The following CLNK variants were observed in gnomAD, a reference collection of about 807,000 sequenced individuals.
The protein encoded by CLNK is cytokine dependent hematopoietic cell linker.
CLNK carries 74 observed loss-of-function variants against 68.6 expected under a neutral mutation model. The ratio of observed to expected loss-of-function variants is 1.08; its 90% CI spans 0.89 to 1.31. The LOEUF (loss-of-function observed/expected upper bound fraction) is 1.31. Among genes scored for constraint, CLNK ranks in the 50% most tolerant of loss-of-function variants. CLNK has a pLI of 0.00. For missense variants in CLNK, 553 were observed against 515.3 expected (o/e 1.07, Z -0.71); for synonymous variants, 198 against 172.2 (o/e 1.15, Z -1.17).
Position 10,532,284 on chromosome 4 carries a change from C to A in CLNK, c.603-1G>T. On this transcript the variant is annotated splice_acceptor_variant, in intron 11 of 18. Coordinates refer to ENST00000226951, the MANE Select transcript of CLNK (RefSeq NM_052964.4). LOFTEE classifies it high-confidence loss of function. Reference sequence around the variant, plus strand: ...ACTTAAGTCCCTTAAGCTTATCTGACTGCAAGAAAAAGAAATACGGTGTTA... The same window carrying A: ...ACTTAAGTCCCTTAAGCTTATCTGAATGCAAGAAAAAGAAATACGGTGTTA... 6.2e-7 allele frequency: 1 copy of A among 1,609,208 alleles called. No homozygotes were observed.
intron 8 of CLNK, among the ~76,000 whole-genome samples, chr4:10,553,519 T>G (rs191170162): frequency 7.1e-4 from 108 of 152,258 alleles, no homozygotes; most frequent in African/African-American, 2.3e-3. Context: ...TGGCGCAATC[T>G]TGGCTCGCTG....
At chr4:10,667,634 C>T (rs1724451774) in intron 2 of CLNK, among the ~76,000 whole-genome samples, 1 of 144,166 alleles carries the variant, frequency 6.9e-6, no homozygotes, top group Admixed American at 7.1e-5. Context: ...CCACCACACA[C>T]CCATGCTGGG....
the CLNK span, among the ~76,000 whole-genome samples, chr4:10,729,136 T>C: frequency 1.3e-5 from 2 of 152,210 alleles, no homozygotes; most frequent in Non-Finnish European, 2.9e-5. Context: ...TGAGAATGGC[T>C]GCTTCCTCTT....
the CLNK span, among the ~76,000 whole-genome samples, chr4:10,699,490 C>CTA: frequency 3.4e-4 from 18 of 52,188 alleles, no homozygotes; most frequent in South Asian, 3.0e-3. Context: ...CTCTCTCTCT[C>CTA]TCTCTATATA....
chr4:10,564,629 G>T, intron 7 of CLNK, 42 bp downstream of exon 7: 1 of 1,352,252 alleles, frequency 7.4e-7, no homozygotes, highest in Non-Finnish European at 1.1e-6. Context: ...GTTAGGAAGA[G>T]CCCTACACAT....
At chr4:10,604,293 C>G (rs1288055095) in intron 2 of CLNK, among the ~76,000 whole-genome samples, 1 of 152,174 alleles carries the variant, frequency 6.6e-6, no homozygotes, top group Non-Finnish European at 1.5e-5. Context: ...TACTCAATTA[C>G]AAAGAGGCAA....
chr4:10,668,955 A>T (rs953205670), intron 1 of CLNK, among the ~76,000 whole-genome samples: 2 of 152,194 alleles, frequency 1.3e-5, no homozygotes, highest in Non-Finnish European at 2.9e-5. Flanking sequence ...AATAGGGTAG[A>T]GAGTGGGTTT....
At chr4:10,507,174 CA>C (rs928107826) in intron 17 of CLNK, among the ~76,000 whole-genome samples, 2 of 151,926 alleles carry the variant, frequency 1.3e-5, no homozygotes, top group African/African-American at 4.8e-5. Flanking sequence ...TGCAGTGGCA[CA>C]ATCTCGGCTC....
At chr4:10,543,857 T>G (rs1325477349) in intron 8 of CLNK, among the ~76,000 whole-genome samples, 2 of 152,268 alleles carry the variant, frequency 1.3e-5, no homozygotes, top group Non-Finnish European at 2.9e-5. Context: ...ATAACTGATG[T>G]CCTTGGCATT....
intron 2 of CLNK, among the ~76,000 whole-genome samples, chr4:10,604,198 G>A (rs926613584): frequency 1.3e-5 from 2 of 152,226 alleles, no homozygotes; most frequent in East Asian, 1.9e-4. Context: ...CCCAAATGAC[G>A]AAAGAATATC....
the CLNK span, among the ~76,000 whole-genome samples, chr4:10,699,285 C>CGTCT: frequency 4.3e-5 from 2 of 46,196 alleles, no homozygotes; most frequent in African/African-American, 1.9e-4. Context: ...ACACCACATA[C>CGTCT]GTGTATACAC....
At chr4:10,591,832 C>A (rs1205793747) in intron 3 of CLNK, among the ~76,000 whole-genome samples, 1 of 152,240 alleles carries the variant, frequency 6.6e-6, no homozygotes, top group East Asian at 1.9e-4. Context: ...ATAAGTGAAT[C>A]CATGGGTTCA....
At chr4:10,598,796 C>T (rs1560235246) in intron 2 of CLNK, 3 of 297,848 alleles carry the variant, frequency 1.0e-5, no homozygotes, top group Non-Finnish European at 2.1e-5. Context: ...CTATCAAACA[C>T]TGACTGGTGA....
rs149082488 is a variant in CLNK at position 10,510,982 on chromosome 4, G to A, written c.906+2482C>T. Among the ~76,000 whole-genome samples, 1,318 of 152,242 alleles carry A rather than the reference G, an allele frequency of 8.7e-3. 15 individuals carry two copies. The highest frequency in any genetic ancestry group is 0.029 in the African/African-American group (1,224 of 41,546). On this transcript the variant is annotated intron_variant, in intron 16 of 18. Transcript: ENST00000226951. ...AGCCTGGCCAACGTGGTGAAACCCC[G>A]TCTGTACTGAAAATACAAAATTAGC...
At chr4:10,608,140 C>G (rs1721857954) in intron 2 of CLNK, among the ~76,000 whole-genome samples, 1 of 152,208 alleles carries the variant, frequency 6.6e-6, no homozygotes, top group Non-Finnish European at 1.5e-5. Context: ...CGGACCCCTG[C>G]AAGAATTCCT....
In CLNK at chr4:10,637,542, T is replaced by C. The variant is rs975030993; in HGVS notation, c.11+30317A>G. On this transcript the variant is annotated intron_variant, in intron 2 of 18. Transcript: ENST00000226951. ...TAGAATCACATGTATGTCCTACCTCTCCAAAAGACTCCCAGCTCCTGGAAC... is the reference window on the plus strand; with the variant it reads ...TAGAATCACATGTATGTCCTACCTCCCCAAAAGACTCCCAGCTCCTGGAAC... Among the ~76,000 whole-genome samples the C allele has an allele frequency of 2.2e-5, 3 of 135,850 alleles. No homozygotes were observed. In the Admixed American group the frequency reaches 2.4e-4, roughly 11 times the overall value. The allele number at this position is 135,850 out of a possible 152,430, so 89.1% of individuals were successfully genotyped here. A position where few individuals can be genotyped will look rare whatever the true frequency, so the allele number is the denominator to read the frequency against.
intron 2 of CLNK, among the ~76,000 whole-genome samples, chr4:10,615,719 A>C (rs991307597): frequency 6.6e-6 from 1 of 152,192 alleles, no homozygotes; most frequent in Admixed American, 6.5e-5. Context: ...CTGTCTTTAC[A>C]GTGGTGCTAT....
At position 10,501,172 on chromosome 4, in the gene CLNK, C is replaced by T. The variant is rs1252433249; in HGVS notation, c.1140+84G>A. On this transcript the variant is annotated intron_variant, in intron 18 of 18. Coordinates refer to ENST00000226951, the MANE Select transcript of CLNK (RefSeq NM_052964.4). ...TCCCTCTCCTTCAGGGCGGCATCCT[C>T]TTCCTCCAGGGTGACATCCCCCAAA... 3.6e-6 allele frequency: 5 copies of T among 1,386,968 alleles called. No individual in the cohort carries two copies. The East Asian group carries it at 1.2e-4, about 35-fold the overall frequency. 85.9% of individuals were successfully genotyped at this position (1,386,968 alleles called of 1,614,324 possible).
intron 15 of CLNK, among the ~76,000 whole-genome samples, chr4:10,515,181 T>C (rs910922385): frequency 1.3e-5 from 2 of 152,138 alleles, no homozygotes; most frequent in African/African-American, 4.8e-5. Flanking sequence ...GAGGTTGCAA[T>C]GAGCCGAGAT....
Sources: allele counts gnomAD v4.1 joint callset (sites outside exome capture counted in the v4.1 genomes callset), GRCh38; gene constraint gnomAD v4.1.1; transcripts MANE v1.5; gene names NCBI Gene and HGNC (gene_info 2026-07-23, HGNC 2026-07-21).